The following ATP6V0B variants were observed in gnomAD, a reference collection of about 807,000 sequenced individuals.
ATP6V0B encodes the protein V-type proton ATPase 21 kDa proteolipid subunit c''.
Under a neutral mutation model 26.2 loss-of-function variants are expected in ATP6V0B, and 4 were observed. That is an observed-to-expected ratio of 0.15 (90% CI 0.08 to 0.35). The LOEUF (loss-of-function observed/expected upper bound fraction) is 0.35. Ranked by LOEUF, ATP6V0B falls within the 10% of genes least tolerant of loss-of-function variation. The pLI is 1.00. For missense variants in ATP6V0B, 175 were observed against 272.5 expected, an observed-to-expected ratio of 0.64 and a Z score of 2.52; for synonymous variants, 110 against 105.8, an observed-to-expected ratio of 1.04 and a Z score of -0.24.
Position 43,976,198 on chromosome 1 carries a change from G to C in ATP6V0B, c.200+25G>C. The C allele has an allele frequency of 1.2e-6, 2 of 1,611,938 alleles. No homozygotes were observed. Among genetic ancestry groups the C allele is most frequent in the South Asian group, 1.1e-5 (1 of 91,008 alleles). ...GGTGAGTATTGGGGTGGTGGGACTG[G>C]GGGCAGGGGCTGAGTCATGGCAGGT... On this transcript the variant is annotated intron_variant, in intron 3 of 7. Coordinates refer to ENST00000472174, the MANE Select transcript of ATP6V0B (RefSeq NM_004047.5). The surrounding 1 kb of genome is among the most constrained non-coding windows in gnomAD (Gnocchi z 4.6).
rs199866002 is a variant in ATP6V0B, at chr1:43,976,629, C to T, written c.318C>T (p.Ile106=). 9.5e-5 allele frequency: 154 copies of T among 1,614,206 alleles called. No individual in the cohort carries two copies. In the East Asian group the frequency reaches 3.3e-3, roughly 35 times the overall value. The part of the protein sequence containing the change: ...FCEAVAIYGI[I]MAIVISNMAE... Reference sequence around the variant, plus strand: ...AGGCTGTGGCCATCTACGGCATCATCATGGCAATTGTCATTAGCAACATGG... The same window carrying T: ...AGGCTGTGGCCATCTACGGCATCATTATGGCAATTGTCATTAGCAACATGG... Residue 106 remains isoleucine, a synonymous_variant, in exon 5 of 8, where the codon ATC becomes ATT. Transcript: ENST00000472174. The surrounding 1 kb of genome is among the most constrained non-coding windows in gnomAD (Gnocchi z 4.6).
rs753681254 is a variant in ATP6V0B, at chr1:43,976,160, G to T, written c.187G>T (p.Val63Phe). Residue 63 changes from valine to phenylalanine, a missense_variant, in exon 3 of 8, where the codon GTT (valine) becomes TTT (phenylalanine). Transcript: ENST00000472174. The surrounding 1 kb of genome is among the most constrained non-coding windows in gnomAD (Gnocchi z 4.6). ...TGGCCTAGCTATCTCCCTGTCTGTGGTTGGGGCAGCCTGGTGAGTATTGGG... is the reference window on the plus strand; with the variant it reads ...TGGCCTAGCTATCTCCCTGTCTGTGTTTGGGGCAGCCTGGTGAGTATTGGG... The part of the protein sequence containing the change: ...GIGLAISLSV[V>F]GAAWGIYITG... The T allele has an allele frequency of 1.2e-5, 20 of 1,613,904 alleles. No individual in the cohort carries two copies. The highest frequency in any genetic ancestry group is 1.6e-5 in the Non-Finnish European group (19 of 1,179,982).
At chr1:43,975,580 C>G (rs996410763) in intron 1 of ATP6V0B, 1 of 616,706 alleles carries the variant, frequency 1.6e-6, no homozygotes, top group East Asian at 2.9e-5. Flanking sequence ...GCGACCCTGC[C>G]TGCGCAGGTG....
chr1:43,975,861 A>G lies in ATP6V0B; in HGVS notation c.116+13A>G, dbSNP rs2286243. 94,131 of 1,587,268 alleles carry G rather than the reference A, an allele frequency of 0.059. 3,315 individuals are homozygous for G. The highest frequency in any genetic ancestry group is 0.16 in the East Asian group (7,289 of 44,490). On this transcript the variant is annotated intron_variant, in intron 2 of 7. Coordinates refer to ENST00000472174, the MANE Select transcript of ATP6V0B (RefSeq NM_004047.5). The stretch of plus-strand genomic sequence containing the variant: ...TTGATGTGGCATGGTAAGGGAGGGC[A>G]GGGGGAGGATTCCCCTTGAAGCTTC...
In ATP6V0B at chr1:43,976,267, G is replaced by T. The variant is rs2085518748; in HGVS notation, c.201-35G>T. On this transcript the variant is annotated intron_variant, in intron 3 of 7. Transcript: ENST00000472174. This position sits in a 1 kb window ranked among gnomAD's most constrained non-coding sequence, Gnocchi z 4.6. ...GGCATGCTGAGGGCAGTGACAGCTT[G>T]GGCTCTGCTCATCAGTTTTTTATCC... The T allele has an allele frequency of 6.2e-7, 1 of 1,611,192 alleles. No homozygotes were observed. The highest frequency in any genetic ancestry group is 1.3e-5 in the African/African-American group (1 of 74,942).
Position 43,976,482 on chromosome 1 carries a change from G to A in ATP6V0B, c.278+103G>A. ...TTCTGACAAGCCACCTTGTGGGATGGGATGTTATAGGGGAAAGATTGCTGG... is the reference window on the plus strand; with the variant it reads ...TTCTGACAAGCCACCTTGTGGGATGAGATGTTATAGGGGAAAGATTGCTGG... On this transcript the variant is annotated intron_variant, in intron 4 of 7. Coordinates refer to ENST00000472174, the MANE Select transcript of ATP6V0B (RefSeq NM_004047.5). The surrounding 1 kb of genome is among the most constrained non-coding windows in gnomAD (Gnocchi z 4.6). 4 of 1,537,026 alleles carry A rather than the reference G, an allele frequency of 2.6e-6. No individual in the cohort carries two copies. The Admixed American group carries it at 5.1e-5, about 20-fold the overall frequency.
chr1:43,977,057 A>T lies in ATP6V0B; in HGVS notation c.432A>T (p.Val144=). The T allele has an allele frequency of 6.2e-7, 1 of 1,611,298 alleles. No homozygotes were observed. Among genetic ancestry groups the T allele is most frequent in the African/African-American group, 1.3e-5 (1 of 74,950 alleles). ...GYSMFGAGLT[V]GLSNLFCGVC... ...CCATGTTTGGGGCTGGCCTCACCGT[A>T]GGCCTGTCTAACCTCTTCTGTGGAG... The change falls in exon 7 of 8, where the codon GTA becomes GTT. Residue 144 remains valine (V), a synonymous_variant. Coordinates refer to ENST00000472174, the MANE Select transcript of ATP6V0B (RefSeq NM_004047.5).
At chr1:43,975,713 G>A (rs1373389091) in intron 1 of ATP6V0B, 87 bp from the exon 2 acceptor site, 33 of 1,485,614 alleles carry the variant, frequency 2.2e-5, no homozygotes, top group Non-Finnish European at 3.1e-5. Flanking sequence ...CAGGGAGGTG[G>A]CCCTTCAGCT....
Position 43,976,470 on chromosome 1 carries a change from C to T in ATP6V0B, c.278+91C>T, listed in dbSNP as rs2085521936. On this transcript the variant is annotated intron_variant, in intron 4 of 7. Coordinates refer to ENST00000472174, the MANE Select transcript of ATP6V0B (RefSeq NM_004047.5). This position sits in a 1 kb window ranked among gnomAD's most constrained non-coding sequence, Gnocchi z 4.6. Reference sequence around the variant, plus strand: ...CTGACATACTGTTTCTGACAAGCCACCTTGTGGGATGGGATGTTATAGGGG... The same window carrying T: ...CTGACATACTGTTTCTGACAAGCCATCTTGTGGGATGGGATGTTATAGGGG... 11 of 1,539,884 alleles carry T rather than the reference C, an allele frequency of 7.1e-6. No homozygotes were observed. The highest frequency in any genetic ancestry group is 9.8e-6 in the Non-Finnish European group (11 of 1,118,526).
Position 43,975,807 on chromosome 1 carries a change from C to T in ATP6V0B, c.75C>T (p.Cys25=). The T allele has an allele frequency of 1.2e-6, 2 of 1,600,466 alleles. No homozygotes were observed. The highest frequency in any genetic ancestry group is 4.5e-5 in the East Asian group (2 of 44,656). ...TCTCCCTCACTGCTGCAGGAGTCTG[C>T]TACACCATTTTTGATTTGGGCTTCC... ...FWACALAVGV[C]YTIFDLGFRF... is the part of the protein sequence containing the mutation. Residue 25 remains cysteine (C), a synonymous_variant, in exon 2 of 8, where the codon TGC becomes TGT. Coordinates refer to ENST00000472174, the MANE Select transcript of ATP6V0B (RefSeq NM_004047.5).
At chr1:43,977,759 T>C in intron 7 of ATP6V0B, 4 of 1,457,308 alleles carry the variant, frequency 2.7e-6, no homozygotes, top group Non-Finnish European at 3.6e-6. Flanking sequence ...TCTTAGTGAC[T>C]AGCTTTATCC....
At chr1:43,977,575 T>C (rs1156879745) in intron 7 of ATP6V0B, 3 of 1,423,826 alleles carry the variant, frequency 2.1e-6, no homozygotes, top group Non-Finnish European at 2.7e-6. Context: ...TATCAGTCTG[T>C]CATGGTGTGT....
chr1:43,975,958 C>T (rs2085515101), intron 2 of ATP6V0B, 110 bp downstream of exon 2: 2 of 1,512,652 alleles, frequency 1.3e-6, no homozygotes, highest in East Asian at 2.3e-5. Flanking sequence ...GGGACATGGA[C>T]CTTTGGGAAA....
Position 43,978,234 on chromosome 1 carries a change from A to C in ATP6V0B, c.*227A>C. On this transcript the variant is annotated 3_prime_UTR_variant, in exon 8 of 8. Transcript: ENST00000472174. ...GTGCAGCTGCGCACCTGTGTCCCCC[A>C]CCTCCACCCTCAACCCATCTTCCTA... The C allele has an allele frequency of 1.6e-6, 1 of 615,992 alleles. No individual in the cohort carries two copies. Among genetic ancestry groups the C allele is most frequent in the Non-Finnish European group, 2.9e-6 (1 of 346,992 alleles). 38.2% of individuals were successfully genotyped at this position (615,992 alleles called of 1,614,324 possible). A position where few individuals can be genotyped will look rare whatever the true frequency, so the allele number is the denominator to read the frequency against.
chr1:43,975,745 G>A, intron 1 of ATP6V0B, 55 bp from the exon 2 acceptor site: 1 of 1,587,096 alleles, frequency 6.3e-7, no homozygotes, highest in East Asian at 2.2e-5. Context: ...TTAGGTTGAA[G>A]AACTTCTCTC....
chr1:43,976,621 G>A lies in ATP6V0B; in HGVS notation c.310G>A (p.Gly104Ser). ...CTTCTGTGAGGCTGTGGCCATCTACGGCATCATCATGGCAATTGTCATTAG... is the reference window on the plus strand; with the variant it reads ...CTTCTGTGAGGCTGTGGCCATCTACAGCATCATCATGGCAATTGTCATTAG... ...IIFCEAVAIYGIIMAIVISNM... is the reference protein window; with the variant it reads ...IIFCEAVAIYSIIMAIVISNM... Residue 104 changes from glycine to serine, a missense_variant, in exon 5 of 8, where the codon GGC (glycine) becomes AGC (serine). Gly to Ser is a moderately conservative substitution (Grantham distance 56). Around this residue, in one of 3 missense-constraint regions of ATP6V0B, gnomAD observed 97 missense variants for 158.0 expected, o/e 0.61. Transcript: ENST00000472174. This position sits in a 1 kb window ranked among gnomAD's most constrained non-coding sequence, Gnocchi z 4.6. 5 of 1,614,132 alleles carry A rather than the reference G, an allele frequency of 3.1e-6. No individual in the cohort carries two copies. The highest frequency in any genetic ancestry group is 4.2e-6 in the Non-Finnish European group (5 of 1,180,038).
intron 1 of ATP6V0B, 23 bp from the exon 2 acceptor site, chr1:43,975,777 C>T (rs2085513200): frequency 6.3e-7 from 1 of 1,584,832 alleles, no homozygotes; most frequent in Non-Finnish European, 8.6e-7. Context: ...CCGTAACCCC[C>T]TTTTTCTCCC....
intron 1 of ATP6V0B, chr1:43,975,439 C>G (rs974389062): frequency 5.5e-6 from 3 of 547,442 alleles, no homozygotes; most frequent in Non-Finnish European, 9.7e-6. Context: ...TGCTCCGGTT[C>G]CTCTTTTCCC....
At chr1:43,975,335 C>T in intron 1 of ATP6V0B, 1 of 597,896 alleles carries the variant, frequency 1.7e-6, no homozygotes, top group Non-Finnish European at 2.9e-6. Context: ...AGCACTCCCC[C>T]GTCCTGCCAC....
Sources: gnomAD v4.1 joint callset for allele counts on GRCh38, gnomAD v4.1.1 for gene constraint, gnomAD v4.1.1 regional missense constraint, Gnocchi (gnomAD v3.1) non-coding constraint, MANE v1.5 for transcripts, NCBI Gene and HGNC (gene_info 2026-07-23, HGNC 2026-07-21) for gene names.